Variants in RNH1 observed in about 807,000 individuals in gnomAD.
RNH1 encodes the protein ribonuclease/angiogenin inhibitor 1, also known as ribonuclease inhibitor.
In RNH1, 38 loss-of-function variants were observed where a neutral mutation model predicts 46.1. The observed-to-expected ratio is 0.82, with a 90% CI of 0.64 to 1.08. The LOEUF (loss-of-function observed/expected upper bound fraction) is 1.08, where lower values mean the gene tolerates loss of function less well. Ranked by LOEUF, RNH1 falls within the 50% of genes least tolerant of loss-of-function variation. The probability of loss-of-function intolerance (pLI) is 0.00; values close to 1 mark genes in which losing one functional copy is unlikely to be tolerated. For synonymous variants in RNH1, 319 were observed against 279.1 expected (o/e 1.14, Z -1.43); for missense variants, 577 against 590.7 (o/e 0.98, Z 0.24).
intron 4 of RNH1, 184 bp from the exon 5 acceptor site, chr11:500,183 A>G: frequency 1.4e-6 from 1 of 711,996 alleles, no homozygotes; most frequent in Non-Finnish European, 2.3e-6. Flanking sequence ...ATGTGGCTCG[A>G]CCCAGGGAAA....
intron 9 of RNH1, 104 bp downstream of exon 9, chr11:497,867 C>G (rs1565021013): frequency 5.0e-6 from 7 of 1,389,750 alleles, no homozygotes; most frequent in Admixed American, 2.0e-5. Context: ...CACATACACA[C>G]GGACACTCGT....
chr11:501,956 C>A lies in RNH1; in HGVS notation c.101+106G>T. ...TGGTAGCTGCACAGAATTCATACTT[C>A]ATGTCCACAAACAAGGCGTTCCAGA... is the stretch of plus-strand genomic sequence containing the variant. On this transcript the variant is annotated intron_variant, in intron 3 of 10. Transcript: ENST00000354420. The surrounding 1 kb of genome is among the most constrained non-coding windows in gnomAD (Gnocchi z 4.1). 1 of 691,896 alleles carries A rather than the reference C, an allele frequency of 1.4e-6. No homozygotes were observed. Among genetic ancestry groups the A allele is most frequent in the Non-Finnish European group, 2.6e-6 (1 of 391,862 alleles). 42.9% of individuals were successfully genotyped at this position (691,896 alleles called of 1,614,324 possible).
Position 499,107 on chromosome 11 carries a change from C to T in RNH1, c.522G>A (p.Glu174=), listed in dbSNP as rs1416259516. The change falls in exon 6 of 11, where the codon GAG becomes GAA. Residue 174 remains glutamate (E), a synonymous_variant. Transcript: ENST00000354420. ...TGATGTCGTTGTTGCTAACCGTGAG[C>T]TCCTTGAAGTCCGGCTTGGCCCTGA... is the stretch of plus-strand genomic sequence containing the variant. The part of the protein sequence containing the change: ...SVLRAKPDFK[E]LTVSNNDINE... The T allele has an allele frequency of 1.9e-6, 3 of 1,613,422 alleles. No homozygotes were observed. Among genetic ancestry groups the T allele is most frequent in the Non-Finnish European group, 2.5e-6 (3 of 1,179,962 alleles).
rs559642699 is a variant in RNH1, at chr11:501,775, G to A, written c.101+287C>T. 76 of 477,854 alleles carry A rather than the reference G, an allele frequency of 1.6e-4. No homozygotes were observed. The South Asian group carries it at 1.8e-3, about 11-fold the overall frequency. The allele number at this position is 477,854 out of a possible 1,614,324, so 29.6% of individuals were successfully genotyped here. A position where few individuals can be genotyped will look rare whatever the true frequency, so the allele number is the denominator to read the frequency against. On this transcript the variant is annotated intron_variant, in intron 3 of 10. Coordinates refer to ENST00000354420, the MANE Select transcript of RNH1 (RefSeq NM_203387.3). This position sits in a 1 kb window ranked among gnomAD's most constrained non-coding sequence, Gnocchi z 4.1. ...CTGTGTCCTGCCCTCGTGTCTCCAA[G>A]GGAGGGAGAGGAGCTGAGACACCGG...
In RNH1 at chr11:495,024, C is replaced by G; in HGVS notation, c.1157G>C (p.Ser386Thr). 6.2e-7 allele frequency: 1 copy of G among 1,605,046 alleles called. No individual in the cohort carries two copies. Among genetic ancestry groups the G allele is most frequent in the Non-Finnish European group, 8.5e-7 (1 of 1,176,596 alleles). ...WLADCDVSDS[S>T]CSSLAATLLA... ...CAGGGTTGCGGCGAGGCTGCTGCAGCTGCTGTCACTCACATCGCAGTCGGC... is the reference window on the plus strand; with the variant it reads ...CAGGGTTGCGGCGAGGCTGCTGCAGGTGCTGTCACTCACATCGCAGTCGGC... Residue 386 changes from serine (S) to threonine (T), a missense_variant, in exon 10 of 11, where the codon AGC becomes ACC. Ser to Thr is a moderately conservative substitution (Grantham distance 58). Coordinates refer to ENST00000354420, the MANE Select transcript of RNH1 (RefSeq NM_203387.3).
In RNH1 at chr11:500,559, T is replaced by C. The variant is rs777306499; in HGVS notation, c.197A>G (p.Asn66Ser). 6.2e-6 allele frequency: 10 copies of C among 1,610,900 alleles called. No individual in the cohort carries two copies. The African/African-American group carries it at 1.3e-4, about 21-fold the overall frequency. The stretch of plus-strand genomic sequence containing the variant: ...ATGCACGCCGACATCGCCCAGCTCG[T>C]TGCTGCGCAGGTTGAGCTCTGCCAG... Reference protein sequence around the residue: ...PALAELNLRSNELGDVGVHCV... With the variant: ...PALAELNLRSSELGDVGVHCV... Residue 66 changes from asparagine to serine, a missense_variant, in exon 4 of 11, where the codon AAC (asparagine) becomes AGC (serine). Physicochemically the swap from Asn to Ser is conservative, Grantham distance 46. Coordinates refer to ENST00000354420, the MANE Select transcript of RNH1 (RefSeq NM_203387.3).
In RNH1 at chr11:498,885, G is replaced by A. The variant is rs771575178; in HGVS notation, c.663C>T (p.Gly221=). Reference sequence around the variant, plus strand: ...GCAGCGAGGCCTTGGAGGCCACAATGCCGCACAGGTCCCGGCAGTTGTCTG... The same window carrying A: ...GCAGCGAGGCCTTGGAGGCCACAATACCGCACAGGTCCCGGCAGTTGTCTG... ...VTSDNCRDLC[G]IVASKASLRE... The change falls in exon 7 of 11, where the codon GGC becomes GGT. Residue 221 remains glycine (G), a synonymous_variant. Transcript: ENST00000354420. The A allele has an allele frequency of 6.2e-7, 1 of 1,612,546 alleles. No homozygotes were observed. Among genetic ancestry groups the A allele is most frequent in the Non-Finnish European group, 8.5e-7 (1 of 1,179,868 alleles).
chr11:500,430 G>T, intron 4 of RNH1, 54 bp downstream of exon 4: 1 of 1,565,402 alleles, frequency 6.4e-7, no homozygotes. Context: ...CCCTGCTGCC[G>T]GGCTACCAAA....
In RNH1 at chr11:498,680, G is replaced by A. The variant is rs898233825; in HGVS notation, c.786-53C>T. 4.4e-6 allele frequency: 7 copies of A among 1,604,406 alleles called. No homozygotes were observed. In the South Asian group the frequency reaches 5.5e-5, roughly 13 times the overall value. On this transcript the variant is annotated intron_variant, in intron 7 of 10. Coordinates refer to ENST00000354420, the MANE Select transcript of RNH1 (RefSeq NM_203387.3). ...TCCTCAGCACCGTCTCATGGCCTGA[G>A]ATGAGCCCAGGGGCGGGGGAGAGCT...
intron 2 of RNH1, 64 bp downstream of exon 2, chr11:504,760 C>A (rs1215299922): frequency 6.6e-6 from 1 of 152,346 alleles, no homozygotes; most frequent in African/African-American, 2.4e-5. Flanking sequence ...AGGGACCGGC[C>A]CCTGCCTCCT....
At position 494,720 on chromosome 11, in the gene RNH1, CCTT is replaced by C. The variant is rs761298771; in HGVS notation, c.1354_1356del (p.Lys452del). 5.6e-6 allele frequency: 9 copies of C among 1,613,798 alleles called. No individual in the cohort carries two copies. Among genetic ancestry groups the C allele is most frequent in the African/African-American group, 5.3e-5 (4 of 74,900 alleles). ...GAGATGACCCTCAGGGATGGCTTGT[CCTT>C]CTCCAGGGCCTGCAGCCGGTCCTCC... is the stretch of plus-strand genomic sequence containing the variant. On this transcript the variant is annotated inframe_deletion, in exon 11 of 11. Coordinates refer to ENST00000354420, the MANE Select transcript of RNH1 (RefSeq NM_203387.3).
Position 498,501 on chromosome 11 carries a change from C to G in RNH1, c.912G>C (p.Leu304=). The change falls in exon 8 of 11, where the codon CTG becomes CTC. Residue 304 remains leucine, a synonymous_variant. Transcript: ENST00000354420. ...NELGDEGARL[L]CETLLEPGCQ... is the part of the protein sequence containing the mutation. Reference sequence around the variant, plus strand: ...AGCCAGGTTCCAGCAGGGTCTCACACAGCAGTCGGGCACCCTCATCCCCCA... The same window carrying G: ...AGCCAGGTTCCAGCAGGGTCTCACAGAGCAGTCGGGCACCCTCATCCCCCA... 2 of 1,613,376 alleles carry G rather than the reference C, an allele frequency of 1.2e-6. No individual in the cohort carries two copies. Among genetic ancestry groups the G allele is most frequent in the Non-Finnish European group, 1.7e-6 (2 of 1,180,024 alleles).
chr11:498,079 T>C lies in RNH1; in HGVS notation c.1019A>G (p.Asn340Ser). Reference protein sequence around the residue: ...CSHFSSVLAQNRFLLELQISN... With the variant: ...CSHFSSVLAQSRFLLELQISN... ...TATCTGTAGCTCCAGGAGAAACCTG[T>C]TCTGGGCCAGCACTGAGCTGAAGTG... is the stretch of plus-strand genomic sequence containing the variant. The change falls in exon 9 of 11, where the codon AAC (asparagine) becomes AGC (serine). Residue 340 changes from asparagine to serine, a missense_variant. Coordinates refer to ENST00000354420, the MANE Select transcript of RNH1 (RefSeq NM_203387.3). 2 of 1,614,128 alleles carry C rather than the reference T, an allele frequency of 1.2e-6. No individual in the cohort carries two copies. The highest frequency in any genetic ancestry group is 1.7e-6 in the Non-Finnish European group (2 of 1,180,036).
At position 500,588 on chromosome 11, in the gene RNH1, A is replaced by G. The variant is rs548908194; in HGVS notation, c.168T>C (p.Pro56=). Residue 56 remains proline, a synonymous_variant, in exon 4 of 11, where the codon CCT becomes CCC. Coordinates refer to ENST00000354420, the MANE Select transcript of RNH1 (RefSeq NM_203387.3). ...TGCGCAGGTTGAGCTCTGCCAGTGC[A>G]GGGTTGACTCGAAGTGCAGAGCTGA... The part of the protein sequence containing the change: ...KDISSALRVN[P]ALAELNLRSN... 3.1e-6 allele frequency: 5 copies of G among 1,610,624 alleles called. No homozygotes were observed. The African/African-American group carries it at 4.0e-5, about 13-fold the overall frequency.
intron 3 of RNH1, 146 bp from the exon 4 acceptor site, chr11:500,800 A>G: frequency 1.1e-6 from 1 of 931,168 alleles, no homozygotes; most frequent in Admixed American, 2.0e-5. Context: ...AATGAAACAA[A>G]AAGGAGGAAC....
rs941788915 is a variant in RNH1 at position 507,216 on chromosome 11, C to A, written c.-364G>T. On this transcript the variant is annotated 5_prime_UTR_variant, in exon 1 of 11. Coordinates refer to ENST00000354420, the MANE Select transcript of RNH1 (RefSeq NM_203387.3). The stretch of plus-strand genomic sequence containing the variant: ...GGGTTGAACGTGTCGACAACCCCAC[C>A]CGCCAGTCAGCGGCGCGGGCGTGTT... The A allele has an allele frequency of 6.6e-6, 1 of 152,208 alleles. No individual in the cohort carries two copies. The highest frequency in any genetic ancestry group is 2.4e-5 in the African/African-American group (1 of 41,452). The allele number at this position is 152,208 out of a possible 1,614,324, so 9.4% of individuals were successfully genotyped here. A position where few individuals can be genotyped will look rare whatever the true frequency, so the allele number is the denominator to read the frequency against.
Position 500,662 on chromosome 11 carries a change from C to G in RNH1, c.102-8G>C, listed in dbSNP as rs554283232. ...AGGCCACAGTCGTCCAGCCTGTGAG[C>G]AGACCCCAGGGTCATGTGGACCACG... On this transcript the variant is annotated splice_polypyrimidine_tract_variant and splice_region_variant and intron_variant, in intron 3 of 10. Coordinates refer to ENST00000354420, the MANE Select transcript of RNH1 (RefSeq NM_203387.3). 1 of 1,603,088 alleles carries G rather than the reference C, an allele frequency of 6.2e-7. No individual in the cohort carries two copies. The highest frequency in any genetic ancestry group is 1.3e-5 in the African/African-American group (1 of 75,058).
intron 9 of RNH1, among the ~76,000 whole-genome samples, chr11:497,747 TC>T (rs1200724169): frequency 9.0e-5 from 11 of 122,390 alleles, no homozygotes; most frequent in Non-Finnish European, 1.5e-4. Context: ...ACCCTCGTGC[TC>T]ACTCACGTGC....
rs1030732922 is a variant in RNH1 at position 501,558 on chromosome 11, C to T, written c.101+504G>A. On this transcript the variant is annotated intron_variant, in intron 3 of 10. Transcript: ENST00000354420. This position sits in a 1 kb window ranked among gnomAD's most constrained non-coding sequence, Gnocchi z 4.1. ...TCACCAGGGAGCCCCGTCCGGTCCT[C>T]GTAACTCCTCCGCAAACCTGACACT... 3.1e-5 allele frequency: 5 copies of T among 160,530 alleles called. No individual in the cohort carries two copies. The highest frequency in any genetic ancestry group is 3.4e-4 in the South Asian group (2 of 5,944). 9.9% of individuals were successfully genotyped at this position (160,530 alleles called of 1,614,324 possible).
Sources: allele counts gnomAD v4.1 joint callset (sites outside exome capture counted in the v4.1 genomes callset), GRCh38; gene constraint gnomAD v4.1.1; non-coding constraint Gnocchi (gnomAD v3.1); transcripts MANE v1.5; gene names NCBI Gene and HGNC (gene_info 2026-07-23, HGNC 2026-07-21).